The following PHKG2 variants were observed in gnomAD, a reference collection of about 807,000 sequenced individuals.
PHKG2 encodes phosphorylase b kinase gamma catalytic chain, liver/testis isoform.
A neutral mutation model predicts 44.5 loss-of-function variants in PHKG2; 28 were observed. The ratio of observed to expected loss-of-function variants is 0.63; its 90% CI spans 0.47 to 0.86. The LOEUF (loss-of-function observed/expected upper bound fraction) is 0.86. Ranked by LOEUF, PHKG2 falls within the 40% of genes least tolerant of loss-of-function variation. PHKG2 has a pLI of 0.00. For synonymous variants in PHKG2, 220 were observed against 211.2 expected (o/e 1.04, Z -0.36); for missense variants, 498 against 547.5 (o/e 0.91, Z 0.90).
Position 30,758,474 on chromosome 16 carries a change from ACCC to A in PHKG2, c.*1378_*1380del, listed in dbSNP as rs2053524665. 2 of 173,624 alleles carry A rather than the reference ACCC, an allele frequency of 1.2e-5. No individual in the cohort carries two copies. Among genetic ancestry groups the A allele is most frequent in the African/African-American group, 4.8e-5 (2 of 41,576 alleles). The allele number at this position is 173,624 out of a possible 1,614,324, so 10.8% of individuals were successfully genotyped here. ...CCATGGTGGTTTGCTTTACCCATCAACCCATCATATAGGTTTTAAGCCACCGTC... is the reference window on the plus strand; with the variant it reads ...CCATGGTGGTTTGCTTTACCCATCAAATCATATAGGTTTTAAGCCACCGTC... On this transcript the variant is annotated 3_prime_UTR_variant, in exon 10 of 10. Transcript: ENST00000563588.
At chr16:30,754,785 A>G in intron 6 of PHKG2, 1 of 443,020 alleles carries the variant, frequency 2.3e-6, no homozygotes, top group South Asian at 1.6e-5. Context: ...TTAAACCTCC[A>G]GGGCAGCTTA....
chr16:30,756,940 T>C lies in PHKG2; in HGVS notation c.1064T>C (p.Phe355Ser). 1.2e-6 allele frequency: 2 copies of C among 1,613,796 alleles called. No homozygotes were observed. Among genetic ancestry groups the C allele is most frequent in the Non-Finnish European group, 1.7e-6 (2 of 1,180,012 alleles). ...CGGCACCTCATCGACAACTGTGCCT[T>C]CCGGCTCTACGGGCACTGGGTAAAG... ...SVRHLIDNCA[F>S]RLYGHWVKKG... Residue 355 changes from phenylalanine (F) to serine (S), a missense_variant, in exon 10 of 10, where the codon TTC (phenylalanine) becomes TCC (serine). By Grantham distance (155) the Phe-to-Ser change is radical. Transcript: ENST00000563588.
intron 6 of PHKG2, chr16:30,754,737 T>G: frequency 2.5e-6 from 1 of 396,282 alleles, no homozygotes; most frequent in Non-Finnish European, 5.2e-6. Flanking sequence ...CTCTGCCCAC[T>G]GCATCCTCTC....
In PHKG2 at chr16:30,759,848, G is replaced by C. The variant is rs2053624017; in HGVS notation, c.*2751G>C. The C allele has an allele frequency of 2.7e-6, 4 of 1,470,740 alleles. No homozygotes were observed. In the Admixed American group the frequency reaches 8.2e-5, roughly 30 times the overall value. 91.1% of individuals were successfully genotyped at this position (1,470,740 alleles called of 1,614,324 possible). Reference sequence around the variant, plus strand: ...CAGATCTGGGTTTCAGCACTGGCTTGTTTCCTTAACTCATGTAACAAATAC... The same window carrying C: ...CAGATCTGGGTTTCAGCACTGGCTTCTTTCCTTAACTCATGTAACAAATAC... On this transcript the variant is annotated 3_prime_UTR_variant, in exon 10 of 10. Coordinates refer to ENST00000563588, the MANE Select transcript of PHKG2 (RefSeq NM_000294.3).
chr16:30,759,072 G>A lies in PHKG2; in HGVS notation c.*1975G>A. ...TCCTCTTTCTGCGGGGTAACTGCCT[G>A]CTCCTCCATCTCCTTGCTTTCTTCT... On this transcript the variant is annotated 3_prime_UTR_variant, in exon 10 of 10. Transcript: ENST00000563588. 1 of 1,614,202 alleles carries A rather than the reference G, an allele frequency of 6.2e-7. No homozygotes were observed. Among genetic ancestry groups the A allele is most frequent in the Non-Finnish European group, 8.5e-7 (1 of 1,180,038 alleles).
At position 30,758,549 on chromosome 16, in the gene PHKG2, T is replaced by G. The variant is rs755446232; in HGVS notation, c.*1452T>G. The stretch of plus-strand genomic sequence containing the variant: ...TCTCTGGAGCCACTTCAGCTGTGCT[T>G]TTTGTTTGTTTGTTTGTTTGTTTTG... On this transcript the variant is annotated 3_prime_UTR_variant, in exon 10 of 10. Coordinates refer to ENST00000563588, the MANE Select transcript of PHKG2 (RefSeq NM_000294.3). 4.8e-6 allele frequency: 1 copy of G among 206,360 alleles called. No individual in the cohort carries two copies. Among genetic ancestry groups the G allele is most frequent in the Non-Finnish European group, 9.9e-6 (1 of 101,370 alleles). 12.8% of individuals were successfully genotyped at this position (206,360 alleles called of 1,614,324 possible).
intron 4 of PHKG2, chr16:30,751,829 C>T (rs2053349507): frequency 1.0e-5 from 6 of 571,516 alleles, no homozygotes; most frequent in Non-Finnish European, 1.9e-5. Flanking sequence ...TGCAGTGGCT[C>T]ACGCCTGTAA....
chr16:30,760,533 A>G lies in PHKG2; in HGVS notation c.*3436A>G. The G allele has an allele frequency of 1.2e-6, 2 of 1,604,758 alleles. No individual in the cohort carries two copies. Among genetic ancestry groups the G allele is most frequent in the Non-Finnish European group, 1.7e-6 (2 of 1,175,224 alleles). On this transcript the variant is annotated 3_prime_UTR_variant, in exon 10 of 10. Coordinates refer to ENST00000563588, the MANE Select transcript of PHKG2 (RefSeq NM_000294.3). Reference sequence around the variant, plus strand: ...CCCACCACATGCTTTGGAGTCAGCCATTCCTCATGTTTTCCCAACCTGACC... The same window carrying G: ...CCCACCACATGCTTTGGAGTCAGCCGTTCCTCATGTTTTCCCAACCTGACC...
At chr16:30,756,340 C>T (rs774445252) in intron 7 of PHKG2, 27 bp from the exon 8 acceptor site, 5 of 1,614,192 alleles carry the variant, frequency 3.1e-6, no homozygotes, top group Non-Finnish European at 3.4e-6. Flanking sequence ...GTCACCTAGT[C>T]CCGCCTGACT....
rs1315525956 is a variant in PHKG2 at position 30,760,082 on chromosome 16, A to G, written c.*2985A>G. ...ATTTGCATATATTATTTCTCAGAACAGTCCTGTAAAATGTGTGCTGTATCC... is the reference window on the plus strand; with the variant it reads ...ATTTGCATATATTATTTCTCAGAACGGTCCTGTAAAATGTGTGCTGTATCC... On this transcript the variant is annotated 3_prime_UTR_variant, in exon 10 of 10. Transcript: ENST00000563588. 3.3e-6 allele frequency: 5 copies of G among 1,536,380 alleles called. No individual in the cohort carries two copies. The highest frequency in any genetic ancestry group is 4.4e-6 in the Non-Finnish European group (5 of 1,146,890).
intron 2 of PHKG2, among the ~76,000 whole-genome samples, chr16:30,749,142 GTGC>G (rs772157337): frequency 0.15 from 2,533 of 17,124 alleles, 349 homozygotes; most frequent in Non-Finnish European, 0.27. Flanking sequence ...GGTGGTGCTG[GTGC>G]TGGTGGTGGT....
chr16:30,757,788 A>C lies in PHKG2; in HGVS notation c.*691A>C. 1 of 1,427,564 alleles carries C rather than the reference A, an allele frequency of 7.0e-7. No homozygotes were observed. Among genetic ancestry groups the C allele is most frequent in the Non-Finnish European group, 9.1e-7 (1 of 1,094,730 alleles). The allele number at this position is 1,427,564 out of a possible 1,614,324, so 88.4% of individuals were successfully genotyped here. A position where few individuals can be genotyped will look rare whatever the true frequency, so the allele number is the denominator to read the frequency against. ...AGAGGTAGCAATGTTGTTTCCCTTT[A>C]GGAAATGTTAGCAAGCCCTTGTGTG... is the stretch of plus-strand genomic sequence containing the variant. On this transcript the variant is annotated 3_prime_UTR_variant, in exon 10 of 10. Coordinates refer to ENST00000563588, the MANE Select transcript of PHKG2 (RefSeq NM_000294.3).
chr16:30,757,007 G>C lies in PHKG2; in HGVS notation c.1131G>C (p.Arg377=). The change falls in exon 10 of 10, where the codon CGG becomes CGC. Residue 377 remains arginine, a synonymous_variant. Transcript: ENST00000563588. The part of the protein sequence containing the change: ...QQNRAALFQH[R]PPGPFPIMGP... ...ACCGGGCGGCTCTCTTTCAGCACCGGCCCCCTGGGCCTTTTCCCATCATGG... is the reference window on the plus strand; with the variant it reads ...ACCGGGCGGCTCTCTTTCAGCACCGCCCCCCTGGGCCTTTTCCCATCATGG... The C allele has an allele frequency of 6.2e-7, 1 of 1,612,002 alleles. No homozygotes were observed. The highest frequency in any genetic ancestry group is 2.2e-5 in the East Asian group (1 of 44,888).
intron 4 of PHKG2, among the ~76,000 whole-genome samples, chr16:30,752,162 TGAG>T (rs1400115821): frequency 1.5e-5 from 1 of 64,766 alleles, no homozygotes; most frequent in Non-Finnish European, 3.2e-5. Flanking sequence ...TTTGGGAGGC[TGAG>T]GCAGGTGGAT....
In PHKG2 at chr16:30,751,711, C is replaced by G. The variant is rs568228324; in HGVS notation, c.326+108C>G. On this transcript the variant is annotated intron_variant, in intron 4 of 9. Transcript: ENST00000563588. ...CCCATCCTGCTCACACCTTCCTGTT[C>G]CAGCTGGGGCTCTCTATCACCTGGG... 5.3e-6 allele frequency: 5 copies of G among 935,852 alleles called. No individual in the cohort carries two copies. The South Asian group carries it at 6.5e-5, about 12-fold the overall frequency. 58.0% of individuals were successfully genotyped at this position (935,852 alleles called of 1,614,324 possible).
chr16:30,754,951 T>C (rs1169455593), intron 6 of PHKG2: 4 of 454,346 alleles, frequency 8.8e-6, no homozygotes, highest in Non-Finnish European at 1.8e-5. Flanking sequence ...CAAGAAATAC[T>C]TGGTGTAGGA....
At position 30,756,065 on chromosome 16, in the gene PHKG2, A is replaced by G. The variant is rs569095667; in HGVS notation, c.557-117A>G. ...GGAGACTTGGCAGAAGGCAGACAGA[A>G]GGAAGATGGGAACACTGGTAGTCCT... On this transcript the variant is annotated intron_variant, in intron 6 of 9. Coordinates refer to ENST00000563588, the MANE Select transcript of PHKG2 (RefSeq NM_000294.3). 7 of 848,152 alleles carry G rather than the reference A, an allele frequency of 8.3e-6. No homozygotes were observed. In the East Asian group the frequency reaches 1.7e-4, roughly 21 times the overall value. 52.5% of individuals were successfully genotyped at this position (848,152 alleles called of 1,614,324 possible).
At chr16:30,756,569 C>T in intron 8 of PHKG2, 21 bp from the exon 9 acceptor site, 1 of 1,613,500 alleles carries the variant, frequency 6.2e-7, no homozygotes, top group Non-Finnish European at 8.5e-7. Context: ...AGCTGCCCCT[C>T]ATGCTCTGGG....
At chr16:30,751,720 G>T in intron 4 of PHKG2, 117 bp downstream of exon 4, 1 of 907,848 alleles carries the variant, frequency 1.1e-6, no homozygotes. Context: ...TCCAGCTGGG[G>T]CTCTCTATCA....
Sources: allele counts gnomAD v4.1 joint callset (sites outside exome capture counted in the v4.1 genomes callset), GRCh38; gene constraint gnomAD v4.1.1; transcripts MANE v1.5; gene names NCBI Gene and HGNC (gene_info 2026-07-23, HGNC 2026-07-21).